PATJ: variants seen among roughly 807,000 people sequenced by gnomAD.
The protein encoded by PATJ is inaD-like protein.
A neutral mutation model predicts 224.9 loss-of-function variants in PATJ; 190 were observed. The ratio of observed to expected loss-of-function variants is 0.84; its 90% confidence interval spans 0.75 to 0.95. PATJ has a LOEUF of 0.95. PATJ is among the 40% of genes least tolerant of loss of function. The pLI, the probability that PATJ is intolerant of heterozygous loss-of-function variation, is 0.00. For synonymous variants in PATJ, 769 were observed against 820.3 expected (o/e 0.94, Z 1.07); for missense variants, 2,121 against 2,270.3 (o/e 0.93, Z 1.34).
At chr1:61,974,614 A>AG (rs1456164862) in intron 27 of PATJ, among the ~76,000 whole-genome samples, 3 of 151,804 alleles carry the variant, frequency 2.0e-5, no homozygotes, top group African/African-American at 7.3e-5. Context: ...AAAAACAAAC[A>AG]AACGGGCTTT....
chr1:61,765,697 T>C (rs1024137669), intron 3 of PATJ, among the ~76,000 whole-genome samples: 1 of 146,566 alleles, frequency 6.8e-6, no homozygotes, highest in Non-Finnish European at 1.5e-5. Flanking sequence ...TTTCTATCAA[T>C]GTTTAAGTGG....
intron 27 of PATJ, among the ~76,000 whole-genome samples, chr1:61,950,755 G>A (rs527689210): frequency 8.5e-5 from 13 of 152,150 alleles, no homozygotes; most frequent in Admixed American, 8.5e-4. Context: ...AAAATAGGAT[G>A]GAAAAGTGTT....
At chr1:62,023,783 G>A (rs886988890) in intron 29 of PATJ, among the ~76,000 whole-genome samples, 12 of 152,188 alleles carry the variant, frequency 7.9e-5, no homozygotes, top group African/African-American at 2.9e-4. Context: ...GTATAACTGT[G>A]TATGTCAATC....
intron 27 of PATJ, among the ~76,000 whole-genome samples, chr1:61,985,679 G>A (rs939512437): frequency 1.3e-5 from 2 of 151,990 alleles, no homozygotes; most frequent in African/African-American, 4.8e-5. Context: ...CTCTGCACCT[G>A]CAGATGTTCC....
chr1:61,989,657 G>A (rs1050838783), intron 27 of PATJ, among the ~76,000 whole-genome samples: 7 of 152,018 alleles, frequency 4.6e-5, no homozygotes, highest in Admixed American at 2.6e-4. Context: ...TTTTTAGTGC[G>A]GGTGGGTTGG....
chr1:62,113,990 GCAGA>G, intron 34 of PATJ, 59 bp from the exon 35 acceptor site: 1 of 1,470,466 alleles, frequency 6.8e-7, no homozygotes, highest in Non-Finnish European at 9.4e-7. Context: ...AGGAGATTCA[GCAGA>G]CAGAGAAGGC....
At chr1:61,777,703 C>CTTTCTTTTTTTTTTTTTTTTTTT (rs1415203243) in intron 7 of PATJ, among the ~76,000 whole-genome samples, 4 of 48,746 alleles carry the variant, frequency 8.2e-5, no homozygotes, top group African/African-American at 3.2e-4. Flanking sequence ...TTCTTTCTTT[C>CTTTCTTTTTTTTTTTTTTTTTTT]TTTTTTTTTT....
In PATJ at chr1:61,769,438, A is replaced by G; in HGVS notation, c.524+16A>G. 1.9e-6 allele frequency: 3 copies of G among 1,603,228 alleles called. No homozygotes were observed. The highest frequency in any genetic ancestry group is 2.5e-6 in the Non-Finnish European group (3 of 1,176,764). ...TAGCAGACAGGTGAGGAAGCTGTTT[A>G]TTTTCATTTTGCTAATTGTTTCCTG... On this transcript the variant is annotated intron_variant, in intron 5 of 43. Coordinates refer to ENST00000642238, the MANE Select transcript of PATJ (RefSeq NM_001350145.3).
chr1:62,081,103 C>T (rs1446986700), intron 32 of PATJ, among the ~76,000 whole-genome samples: 1 of 152,070 alleles, frequency 6.6e-6, no homozygotes, highest in Non-Finnish European at 1.5e-5. Context: ...GACAGTCTGG[C>T]CTGTAATGCC....
At position 61,941,712 on chromosome 1, in the gene PATJ, AT is replaced by A. The variant is rs1309500092; in HGVS notation, c.3670+13889del. 5.3e-5 allele frequency among the ~76,000 whole-genome samples: 8 copies of A among 152,044 alleles called. No homozygotes were observed. The East Asian group carries it at 1.2e-3, about 22-fold the overall frequency. On this transcript the variant is annotated intron_variant, in intron 27 of 43. Coordinates refer to ENST00000642238, the MANE Select transcript of PATJ (RefSeq NM_001350145.3). ...CTTAATAGTCATATTAACTGTCAAC[AT>A]TTTTTCCTACTTAACTTTTTAATAA...
intron 31 of PATJ, among the ~76,000 whole-genome samples, chr1:62,066,420 G>T (rs187355192): frequency 4.1e-4 from 62 of 150,956 alleles, no homozygotes; most frequent in African/African-American, 1.5e-3. Context: ...GTCACACTCT[G>T]TCGCCCAGGT....
At chr1:62,110,972 A>T (rs1015568577) in intron 34 of PATJ, among the ~76,000 whole-genome samples, 5 of 152,186 alleles carry the variant, frequency 3.3e-5, no homozygotes, top group Admixed American at 3.3e-4. Context: ...TGTTCTAGCC[A>T]CGCCATGATA....
Position 61,769,273 on chromosome 1 carries a change from C to T in PATJ, c.385-10C>T, listed in dbSNP as rs1488121987. On this transcript the variant is annotated splice_polypyrimidine_tract_variant and intron_variant, in intron 4 of 43. Transcript: ENST00000642238. ...ACCATTGACTTTTTTTTTTAACGCT[C>T]CTTCATTAGGGCCGGCAAATTGAAT... 17 of 1,591,088 alleles carry T rather than the reference C, an allele frequency of 1.1e-5. No individual in the cohort carries two copies. Among genetic ancestry groups the T allele is most frequent in the Middle Eastern group, 1.7e-4 (1 of 5,916 alleles).
At chr1:61,850,781 G>A (rs1458837153) in intron 17 of PATJ, among the ~76,000 whole-genome samples, 7 of 152,188 alleles carry the variant, frequency 4.6e-5, no homozygotes, top group Admixed American at 4.6e-4. Context: ...TTCCTCACCA[G>A]GAAAGTGGGG....
chr1:61,980,686 C>T (rs760482341), intron 27 of PATJ, among the ~76,000 whole-genome samples: 15 of 152,008 alleles, frequency 9.9e-5, no homozygotes, highest in Admixed American at 2.0e-4. Context: ...TTTCTCACCC[C>T]ATTGGTTGCT....
intron 27 of PATJ, among the ~76,000 whole-genome samples, chr1:61,978,958 G>A (rs552840869): frequency 8.7e-4 from 132 of 152,058 alleles, no homozygotes; most frequent in Non-Finnish European, 1.6e-3. Flanking sequence ...AACATACTGT[G>A]ACAATGGAGA....
rs557286119 is a variant in PATJ, at chr1:61,826,454, A to G, written c.1819-968A>G. 3.3e-5 allele frequency among the ~76,000 whole-genome samples: 5 copies of G among 152,356 alleles called. No homozygotes were observed. The South Asian group carries it at 1.0e-3, about 32-fold the overall frequency. ...AAACCCTCCCAGGAGGGTAGGAGTC[A>G]GATGCGAAAAGATTATTTGTTGCCT... On this transcript the variant is annotated intron_variant, in intron 15 of 43. Coordinates refer to ENST00000642238, the MANE Select transcript of PATJ (RefSeq NM_001350145.3).
chr1:61,805,890 T>C (rs1275915187), intron 13 of PATJ, among the ~76,000 whole-genome samples: 1 of 152,264 alleles, frequency 6.6e-6, no homozygotes, highest in Non-Finnish European at 1.5e-5. Flanking sequence ...ATGATCTGTT[T>C]GTTTTATTGT....
chr1:61,878,566 G>A (rs1245972414), intron 21 of PATJ, among the ~76,000 whole-genome samples: 1 of 152,006 alleles, frequency 6.6e-6, no homozygotes, highest in African/African-American at 2.4e-5. Context: ...GTTTTAGGCT[G>A]GGTGTGGTGG....
Sources: gnomAD v4.1 joint callset for allele counts (sites outside exome capture counted in the v4.1 genomes callset) on GRCh38, gnomAD v4.1.1 for gene constraint, MANE v1.5 for transcripts, NCBI Gene and HGNC (gene_info 2026-07-23, HGNC 2026-07-21) for gene names.